The following SPAM1 variants were observed in gnomAD, a reference collection of about 807,000 sequenced individuals.
SPAM1 encodes sperm adhesion molecule 1.
SPAM1 carries 22 observed loss-of-function variants against 29.6 expected under a neutral mutation model. That is an observed-to-expected ratio of 0.74 (90% CI 0.53 to 1.06). The LOEUF (loss-of-function observed/expected upper bound fraction) is 1.06. Among genes scored for constraint, SPAM1 ranks in the 50% least tolerant of loss-of-function variants. The probability of loss-of-function intolerance (pLI) is 0.00; values close to 1 mark genes in which losing one functional copy is unlikely to be tolerated. For synonymous variants in SPAM1, 194 were observed against 204.6 expected (o/e 0.95, Z 0.44); for missense variants, 534 against 604.0 (o/e 0.88, Z 1.21).
chr7:123,960,762 T>C (rs2117073856), downstream of SPAM1, among the ~76,000 whole-genome samples: 1 of 151,980 alleles, frequency 6.6e-6, no homozygotes, highest in Middle Eastern at 3.4e-3. Context: ...GCACAAGTCA[T>C]TAGGATCTTA....
At chr7:123,925,521 C>T (rs1268890596) in intron 1 of SPAM1, 169 bp downstream of exon 1, 1 of 151,982 alleles carries the variant, frequency 6.6e-6, no homozygotes. Context: ...AATGAGTAAT[C>T]CAGAGATTTT....
downstream of SPAM1, among the ~76,000 whole-genome samples, chr7:123,964,468 A>G (rs1328480841): frequency 1.3e-5 from 2 of 151,950 alleles, no homozygotes; most frequent in African/African-American, 2.4e-5. Flanking sequence ...ATATCATTAT[A>G]AATAATTTTA....
At chr7:123,946,193 A>G (rs1025591411) in intron 1 of SPAM1, among the ~76,000 whole-genome samples, 1 of 152,190 alleles carries the variant, frequency 6.6e-6, no homozygotes, top group Non-Finnish European at 1.5e-5. Context: ...CATTGTCATG[A>G]AAGCAGAAAA....
At chr7:123,963,304 A>G (rs2117076319), downstream of SPAM1, among the ~76,000 whole-genome samples, 1 of 151,852 alleles carries the variant, frequency 6.6e-6, no homozygotes, top group Admixed American at 6.6e-5. Flanking sequence ...GTTTCTAATC[A>G]GTAATGTTGA....
Position 123,959,669 on chromosome 7 carries a change from G to C in SPAM1, c.1230G>C (p.Glu410Asp), listed in dbSNP as rs1472264451. 2 of 1,613,198 alleles carry C rather than the reference G, an allele frequency of 1.2e-6. No homozygotes were observed. The highest frequency in any genetic ancestry group is 1.7e-6 in the Non-Finnish European group (2 of 1,179,588). ...LNPDNFAIQLEKGGKFTVRGK... is the reference protein window; with the variant it reads ...LNPDNFAIQLDKGGKFTVRGK... ...CAGATAATTTTGCTATTCAACTTGA[G>C]AAAGGTGGAAAGTTCACAGTACGTG... The change falls in exon 5 of 5, where the codon GAG (glutamate) becomes GAC (aspartate). Residue 410 changes from glutamate to aspartate, a missense_variant. Transcript: ENST00000682466.
At position 123,953,841 on chromosome 7, in the gene SPAM1, T is replaced by C; in HGVS notation, c.271T>C (p.Phe91Leu). The C allele has an allele frequency of 1.9e-6, 3 of 1,613,666 alleles. No individual in the cohort carries two copies. Among genetic ancestry groups the C allele is most frequent in the Non-Finnish European group, 2.5e-6 (3 of 1,179,778 alleles). The change falls in exon 3 of 5, where the codon TTT (phenylalanine) becomes CTT (leucine). Residue 91 changes from phenylalanine to leucine, a missense_variant. Coordinates refer to ENST00000682466, the MANE Select transcript of SPAM1 (RefSeq NM_153189.3). ...CGCCACCGGGCAAGGTGTTACAATA[T>C]TTTATGTTGATAGACTTGGCTACTA... Reference protein sequence around the residue: ...INATGQGVTIFYVDRLGYYPY... With the variant: ...INATGQGVTILYVDRLGYYPY...
chr7:123,961,087 G>A (rs1394321544), downstream of SPAM1, among the ~76,000 whole-genome samples: 1 of 151,814 alleles, frequency 6.6e-6, no homozygotes, highest in Non-Finnish European at 1.5e-5. Flanking sequence ...ATGGGGTAGA[G>A]AGTAATATTT....
chr7:123,961,797 A>G (rs928944248), downstream of SPAM1, among the ~76,000 whole-genome samples: 4 of 152,030 alleles, frequency 2.6e-5, no homozygotes, highest in African/African-American at 9.7e-5. Context: ...TTAGTTCCGC[A>G]TGGCTGGGGA....
chr7:123,945,866 C>T lies in SPAM1; in HGVS notation c.-318-4006C>T, dbSNP rs1424207429. Among the ~76,000 whole-genome samples the T allele has an allele frequency of 2.6e-5, 4 of 151,884 alleles. No individual in the cohort carries two copies. In the South Asian group the frequency reaches 8.3e-4, roughly 32 times the overall value. On this transcript the variant is annotated intron_variant, in intron 1 of 4. Transcript: ENST00000682466. ...AGCTAATTCAGACAGACCTTGTTCCCCATAATTTGTAATTCTTATTCAGAT... is the reference window on the plus strand; with the variant it reads ...AGCTAATTCAGACAGACCTTGTTCCTCATAATTTGTAATTCTTATTCAGAT...
chr7:123,960,294 A>G (rs576937532), downstream of SPAM1, among the ~76,000 whole-genome samples: 45 of 152,012 alleles, frequency 3.0e-4, no homozygotes, highest in South Asian at 8.3e-4. Context: ...TGCACAAGAT[A>G]CTGACATTTT....
intron 1 of SPAM1, among the ~76,000 whole-genome samples, chr7:123,945,703 A>C (rs965335915): frequency 1.3e-5 from 2 of 152,174 alleles, no homozygotes; most frequent in Non-Finnish European, 2.9e-5. Context: ...CCTGGTATTG[A>C]AGATGGTGAA....
chr7:123,965,746 G>T (rs944868649), intron 5 of SPAM1, among the ~76,000 whole-genome samples: 3 of 152,022 alleles, frequency 2.0e-5, no homozygotes, highest in African/African-American at 7.2e-5. Context: ...ATTGCCTCCA[G>T]CTTCGCTCTT....
Position 123,967,539 on chromosome 7 carries a change from A to T in SPAM1, c.1486-2659A>T, listed in dbSNP as rs530255409. On this transcript the variant is annotated intron_variant, in intron 5 of 6. Coordinates refer to the SPAM1 transcript ENST00000340011. ...TCTTAGTAGGTATGCTGATAATTTTAAAAAGTAGACTCCAATATAGTATTT... is the reference window on the plus strand; with the variant it reads ...TCTTAGTAGGTATGCTGATAATTTTTAAAAGTAGACTCCAATATAGTATTT... Among the ~76,000 whole-genome samples, 10 of 152,048 alleles carry T rather than the reference A, an allele frequency of 6.6e-5. No individual in the cohort carries two copies. In the South Asian group the frequency reaches 2.1e-3, roughly 32 times the overall value.
downstream of SPAM1, among the ~76,000 whole-genome samples, chr7:123,961,325 C>T (rs1584963848): frequency 6.6e-6 from 1 of 151,926 alleles, no homozygotes; most frequent in East Asian, 1.9e-4. Flanking sequence ...TCTCTCCTCC[C>T]ATCCTTCCTA....
At chr7:123,930,671 G>A (rs895939036) in intron 1 of SPAM1, among the ~76,000 whole-genome samples, 1 of 152,144 alleles carries the variant, frequency 6.6e-6, no homozygotes, top group South Asian at 2.1e-4. Context: ...AGCAACAAGG[G>A]TAGAGAAAAC....
At position 123,970,111 on chromosome 7, in the gene SPAM1, A is replaced by C; in HGVS notation, c.1486-87A>C. ...CCTGGTATTTATTCTGTATATCTCCATTAGTTTGCTAGTGATGCTATAACA... is the reference window on the plus strand; with the variant it reads ...CCTGGTATTTATTCTGTATATCTCCCTTAGTTTGCTAGTGATGCTATAACA... On this transcript the variant is annotated intron_variant, in intron 5 of 6. Transcript: ENST00000340011. 2.9e-6 allele frequency: 4 copies of C among 1,382,034 alleles called. No homozygotes were observed. In the South Asian group the frequency reaches 3.9e-5, roughly 14 times the overall value. The allele number at this position is 1,382,034 out of a possible 1,614,324, so 85.6% of individuals were successfully genotyped here.
At chr7:123,937,854 A>C (rs557706851) in intron 1 of SPAM1, among the ~76,000 whole-genome samples, 1 of 152,180 alleles carries the variant, frequency 6.6e-6, no homozygotes, top group Non-Finnish European at 1.5e-5. Flanking sequence ...TCCCATGGGC[A>C]GATGGAAGAC....
chr7:123,945,608 C>G (rs1460350448), intron 1 of SPAM1, among the ~76,000 whole-genome samples: 2 of 152,070 alleles, frequency 1.3e-5, no homozygotes, highest in African/African-American at 2.4e-5. Context: ...ACAAAGAAAA[C>G]AGAACACCCC....
chr7:123,958,718 G>T (rs1376567231), intron 4 of SPAM1, among the ~76,000 whole-genome samples: 1 of 151,636 alleles, frequency 6.6e-6, no homozygotes, highest in Non-Finnish European at 1.5e-5. Flanking sequence ...TATAGTTCCA[G>T]CTACTCAGGG....
Sources: allele counts gnomAD v4.1 joint callset (sites outside exome capture counted in the v4.1 genomes callset), GRCh38; gene constraint gnomAD v4.1.1; transcripts MANE v1.5; gene names NCBI Gene and HGNC (gene_info 2026-07-23, HGNC 2026-07-21).